The following VTI1A variants were observed in gnomAD, a reference collection of about 807,000 sequenced individuals.
VTI1A encodes vesicle transport through interaction with t-SNAREs homolog 1A.
In VTI1A, 22 loss-of-function variants were observed where a neutral mutation model predicts 34.9. The ratio of observed to expected loss-of-function variants is 0.63; its 90% CI spans 0.45 to 0.90. The LOEUF is 0.90. Ranked by LOEUF, VTI1A falls within the 40% of genes least tolerant of loss-of-function variation. VTI1A has a pLI of 0.00. For synonymous variants in VTI1A, 87 were observed against 97.3 expected (o/e 0.89, Z 0.62); for missense variants, 268 against 275.6 (o/e 0.97, Z 0.20).
At chr10:112,630,660 CAGAT>C (rs1846095176) in intron 5 of VTI1A, among the ~76,000 whole-genome samples, 2 of 152,164 alleles carry the variant, frequency 1.3e-5, no homozygotes, top group African/African-American at 2.4e-5. Context: ...CTGCACAAGA[CAGAT>C]AGTAGCTTGT....
chr10:112,591,179 A>C (rs1844371957), intron 5 of VTI1A, among the ~76,000 whole-genome samples: 1 of 152,260 alleles, frequency 6.6e-6, no homozygotes, highest in African/African-American at 2.4e-5. Context: ...TGAGCAAGCA[A>C]AGCTCAGGAA....
chr10:112,702,583 CTAAT>C (rs1849047517), intron 7 of VTI1A, among the ~76,000 whole-genome samples: 2 of 151,494 alleles, frequency 1.3e-5, no homozygotes, highest in Admixed American at 1.3e-4. Context: ...CCACACCCAG[CTAAT>C]TTATTTTTTA....
chr10:112,732,443 A>G lies in VTI1A; in HGVS notation c.560+63445A>G, dbSNP rs557169173. 3.3e-5 allele frequency among the ~76,000 whole-genome samples: 5 copies of G among 152,334 alleles called. No homozygotes were observed. In the East Asian group the frequency reaches 9.6e-4, roughly 29 times the overall value. On this transcript the variant is annotated intron_variant, in intron 7 of 7. Transcript: ENST00000393077. ...ATTATTCCTGCCCCATTCTCTGTGC[A>G]GTGCAAGCATTCAGACTATGAATGG...
chr10:112,678,038 C>T (rs1004519832), intron 7 of VTI1A, among the ~76,000 whole-genome samples: 1 of 152,164 alleles, frequency 6.6e-6, no homozygotes, highest in African/African-American at 2.4e-5. Context: ...GGAAACCCTG[C>T]GGGTTTTTAT....
At chr10:112,490,956 C>T (rs1848800518) in intron 3 of VTI1A, among the ~76,000 whole-genome samples, 1 of 152,084 alleles carries the variant, frequency 6.6e-6, no homozygotes, top group Non-Finnish European at 1.5e-5. Context: ...CCTGCCCACC[C>T]TCCCCTACCA....
At chr10:112,468,136 A>G (rs1268826580) in intron 3 of VTI1A, among the ~76,000 whole-genome samples, 1 of 152,194 alleles carries the variant, frequency 6.6e-6, no homozygotes. Flanking sequence ...AGCAGAGGAA[A>G]GATCTGTGAG....
chr10:112,724,786 G>GAAAAA (rs5787971), intron 7 of VTI1A, among the ~76,000 whole-genome samples: 1 of 117,284 alleles, frequency 8.5e-6, no homozygotes, highest in African/African-American at 2.9e-5. Context: ...CCCTTTTTTT[G>GAAAAA]AAAAAAAAAA....
chr10:112,702,264 C>A (rs957811044), intron 7 of VTI1A, among the ~76,000 whole-genome samples: 10 of 152,182 alleles, frequency 6.6e-5, no homozygotes, highest in Admixed American at 1.3e-4. Context: ...AAATGATATC[C>A]TTCAACAAAC....
Position 112,817,861 on chromosome 10 carries a change from G to T in VTI1A, c.*2478G>T. 1 of 233,352 alleles carries T rather than the reference G, an allele frequency of 4.3e-6. No homozygotes were observed. Among genetic ancestry groups the T allele is most frequent in the Non-Finnish European group, 8.5e-6 (1 of 117,814 alleles). The allele number at this position is 233,352 out of a possible 1,614,324, so 14.5% of individuals were successfully genotyped here. On this transcript the variant is annotated 3_prime_UTR_variant, in exon 8 of 8. Coordinates refer to ENST00000393077, the MANE Select transcript of VTI1A (RefSeq NM_145206.4). Reference sequence around the variant, plus strand: ...TGATGTTTAAGGGAGTGGTTGGGGGGAAGATGAAGGCATGGAGGAGGAAGA... The same window carrying T: ...TGATGTTTAAGGGAGTGGTTGGGGGTAAGATGAAGGCATGGAGGAGGAAGA...
At chr10:112,776,075 C>G (rs1313678128) in intron 7 of VTI1A, among the ~76,000 whole-genome samples, 1 of 152,194 alleles carries the variant, frequency 6.6e-6, no homozygotes, top group Non-Finnish European at 1.5e-5. Context: ...GGTGCAGAGT[C>G]TATTGATTGT....
intron 7 of VTI1A, among the ~76,000 whole-genome samples, chr10:112,742,049 C>A (rs765993297): frequency 2.0e-5 from 3 of 152,078 alleles, no homozygotes; most frequent in Admixed American, 6.5e-5. Flanking sequence ...AACAAAGAAA[C>A]GAATAGGAAA....
At chr10:112,503,844 A>T (rs1171781858) in intron 3 of VTI1A, among the ~76,000 whole-genome samples, 1 of 152,204 alleles carries the variant, frequency 6.6e-6, no homozygotes, top group Non-Finnish European at 1.5e-5. Flanking sequence ...ATAGATCTGC[A>T]GAAACAGGAT....
intron 5 of VTI1A, among the ~76,000 whole-genome samples, chr10:112,571,398 A>G (rs1487633971): frequency 6.6e-6 from 1 of 152,218 alleles, no homozygotes; most frequent in Non-Finnish European, 1.5e-5. Flanking sequence ...AAAACTCACA[A>G]CAAAACATGC....
chr10:112,646,853 C>G (rs957061816), intron 5 of VTI1A, among the ~76,000 whole-genome samples: 5 of 152,160 alleles, frequency 3.3e-5, no homozygotes, highest in Admixed American at 2.0e-4. Flanking sequence ...TTGGCACATT[C>G]CTCAGTTTAG....
chr10:112,717,747 C>T (rs568023727), intron 7 of VTI1A, among the ~76,000 whole-genome samples: 3 of 152,246 alleles, frequency 2.0e-5, no homozygotes, highest in African/African-American at 2.4e-5. Context: ...GCAAGACAGT[C>T]GCAAGGGCCT....
At chr10:112,830,849 A>ATATATATATATATATATATATATATATTT in the VTI1A span, among the ~76,000 whole-genome samples, 16 of 33,478 alleles carry the variant, frequency 4.8e-4, no homozygotes, top group Non-Finnish European at 6.4e-4. Context: ...ATATATATAT[A>ATATATATATATATATATATATATATATTT]TTTTTTTTTT....
intron 7 of VTI1A, among the ~76,000 whole-genome samples, chr10:112,739,478 A>G (rs979838599): frequency 6.6e-6 from 1 of 152,200 alleles, no homozygotes; most frequent in African/African-American, 2.4e-5. Context: ...CAGATTCTTC[A>G]ATGCCACAGC....
rs1850804543 is a variant in VTI1A at position 112,540,047 on chromosome 10, G to A, written c.427+1717G>A. 1.3e-5 allele frequency among the ~76,000 whole-genome samples: 2 copies of A among 152,130 alleles called. 1 individual carries two copies. The highest frequency in any genetic ancestry group is 1.3e-4 in the Admixed American group (2 of 15,274). On this transcript the variant is annotated intron_variant, in intron 5 of 7. Transcript: ENST00000393077. ...ATTGGTCAGCCTCTTTCCACATGGG[G>A]CTGGTTCAGACTCAGGGGGTCTTCT... is the stretch of plus-strand genomic sequence containing the variant.
At chr10:112,518,120 A>G (rs1229167737) in intron 3 of VTI1A, among the ~76,000 whole-genome samples, 3 of 152,046 alleles carry the variant, frequency 2.0e-5, no homozygotes, top group Admixed American at 6.6e-5. Flanking sequence ...TGATCTTTGG[A>G]AGACCTGCAG....
Sources: gnomAD v4.1 joint callset for allele counts (sites outside exome capture counted in the v4.1 genomes callset) on GRCh38, gnomAD v4.1.1 for gene constraint, MANE v1.5 for transcripts, NCBI Gene and HGNC (gene_info 2026-07-23, HGNC 2026-07-21) for gene names.